Variants in PHLDB1 observed in about 807,000 individuals in gnomAD.
PHLDB1 encodes pleckstrin homology like domain family B member 1, also known as pleckstrin homology-like domain family B member 1.
PHLDB1 carries 65 observed loss-of-function variants against 139.3 expected under a neutral mutation model. The observed-to-expected ratio is 0.47, with a 90% CI of 0.38 to 0.57. The LOEUF (loss-of-function observed/expected upper bound fraction) is 0.57. PHLDB1 is among the 20% of genes least tolerant of loss of function. PHLDB1 has a pLI of 0.00. For missense variants in PHLDB1, 1,624 were observed against 1,839.7 expected (o/e 0.88, Z 2.14); for synonymous variants, 679 against 734.5 (o/e 0.92, Z 1.22).
At chr11:118,638,591 G>A (rs2136449130) in intron 10 of PHLDB1, among the ~76,000 whole-genome samples, 1 of 152,264 alleles carries the variant, frequency 6.6e-6, no homozygotes, top group African/African-American at 2.4e-5. Context: ...GGGAGAATGA[G>A]GCAGATGGAG....
intron 9 of PHLDB1, chr11:118,633,550 C>T (rs893965865): frequency 6.6e-6 from 1 of 152,176 alleles, no homozygotes; most frequent in African/African-American, 2.4e-5. Flanking sequence ...CAGTTGTGGG[C>T]GTGGTCTTGG....
intron 12 of PHLDB1, chr11:118,641,763 T>G: frequency 7.8e-7 from 1 of 1,289,776 alleles, no homozygotes; most frequent in Non-Finnish European, 1.0e-6. Flanking sequence ...CCTCGTTCGC[T>G]TCCATCACGC....
At chr11:118,629,537 C>T (rs1334245038) in intron 6 of PHLDB1, among the ~76,000 whole-genome samples, 2 of 152,128 alleles carry the variant, frequency 1.3e-5, no homozygotes, top group African/African-American at 4.8e-5. Flanking sequence ...GGGCAGGAAC[C>T]CTGGGATTGG....
At position 118,626,684 on chromosome 11, in the gene PHLDB1, C is replaced by CT. The variant is rs1270831513; in HGVS notation, c.482-611dup. On this transcript the variant is annotated intron_variant, in intron 5 of 22. Coordinates refer to ENST00000600882, the MANE Select transcript of PHLDB1 (RefSeq NM_001144758.3). The stretch of plus-strand genomic sequence containing the variant: ...AGGCGTGAGCCACCACGCCTGGCCT[C>CT]TTTTTTTTTTGAGACAGTCTTGCTG... 1.8e-3 allele frequency among the ~76,000 whole-genome samples: 265 copies of CT among 146,506 alleles called. 4 individuals carry two copies. The East Asian group carries it at 0.04, about 22-fold the overall frequency.
intron 9 of PHLDB1, chr11:118,633,479 G>A (rs1257868551): frequency 6.6e-6 from 1 of 152,242 alleles, no homozygotes; most frequent in Non-Finnish European, 1.5e-5. Context: ...CTGCACAGCA[G>A]AGTAGGCTGT....
chr11:118,626,195 G>A (rs1007679153), intron 5 of PHLDB1, among the ~76,000 whole-genome samples: 1 of 151,848 alleles, frequency 6.6e-6, no homozygotes, highest in Non-Finnish European at 1.5e-5. Context: ...ATTGGACGAA[G>A]TGGTGCAGCA....
At chr11:118,622,698 G>T (rs1943071722) in intron 4 of PHLDB1, among the ~76,000 whole-genome samples, 1 of 152,182 alleles carries the variant, frequency 6.6e-6, no homozygotes. Context: ...GGGTTGAGTG[G>T]CTCTGTCTAG....
upstream of PHLDB1, chr11:118,607,545 G>C (rs1939375104): frequency 1.5e-5 from 2 of 135,062 alleles, no homozygotes; most frequent in South Asian, 5.6e-4. Flanking sequence ...GACGGGGGCG[G>C]GGACTGGCGG....
intron 4 of PHLDB1, among the ~76,000 whole-genome samples, chr11:118,622,085 C>T (rs1232351112): frequency 1.3e-5 from 2 of 152,180 alleles, no homozygotes; most frequent in Non-Finnish European, 2.9e-5. Context: ...AGATAGGATT[C>T]ACCCTCTCCT....
intron 4 of PHLDB1, among the ~76,000 whole-genome samples, chr11:118,617,753 T>A (rs1555091027): frequency 1.3e-5 from 2 of 152,000 alleles, no homozygotes; most frequent in African/African-American, 4.8e-5. Context: ...TCTCCAGGGA[T>A]TCAAGGTCTC....
At chr11:118,642,097 T>A in intron 12 of PHLDB1, 157 bp from the exon 13 acceptor site, 1 of 736,854 alleles carries the variant, frequency 1.4e-6, no homozygotes, top group Non-Finnish European at 2.4e-6. Context: ...TCCTGTCCAT[T>A]TCCCTGATGT....
At chr11:118,642,940 AAGCAACTGACCATGG>A (rs1565477450) in intron 13 of PHLDB1, among the ~76,000 whole-genome samples, 1 of 152,228 alleles carries the variant, frequency 6.6e-6, no homozygotes, top group Non-Finnish European at 1.5e-5. Context: ...AACCTGCAGC[AAGCAACTGACCATGG>A]GGTGGGAAAG....
In PHLDB1 at chr11:118,628,596, G is replaced by T; in HGVS notation, c.1773G>T (p.Glu591Asp). 1 of 1,612,680 alleles carries T rather than the reference G, an allele frequency of 6.2e-7. No homozygotes were observed. The highest frequency in any genetic ancestry group is 8.5e-7 in the Non-Finnish European group (1 of 1,179,864). Residue 591 changes from glutamate (E) to aspartate (D), a missense_variant, in exon 6 of 23, where the codon GAG becomes GAT. Glu to Asp is a conservative substitution (Grantham distance 45, BLOSUM62 2). Coordinates refer to ENST00000600882, the MANE Select transcript of PHLDB1 (RefSeq NM_001144758.3). The stretch of plus-strand genomic sequence containing the variant: ...GTGACAATGAGGACGACCTCCTGGA[G>T]TACCACCGGCGACAGCGCCAAGAGC... ...EISDNEDDLL[E>D]YHRRQRQERL... is the part of the protein sequence containing the mutation.
rs782143312 is a variant in PHLDB1, at chr11:118,645,822, G to A, written c.3504G>A (p.Ser1168=). The A allele has an allele frequency of 5.0e-6, 8 of 1,604,706 alleles. No individual in the cohort carries two copies. The highest frequency in any genetic ancestry group is 2.2e-5 in the East Asian group (1 of 44,862). The change falls in exon 17 of 23, where the codon TCG becomes TCA. Residue 1168 remains serine, a synonymous_variant. Transcript: ENST00000600882. This position sits in a 1 kb window ranked among gnomAD's most constrained non-coding sequence, Gnocchi z 5.1. ...AHAEKNRLME[S]REREMELRRQ... is the part of the protein sequence containing the mutation. The stretch of plus-strand genomic sequence containing the variant: ...CAGAGAAGAACCGGCTCATGGAGTC[G>A]AGGGTGAGTCTGACCTGGATCGGGG...
At chr11:118,652,604 G>A (rs1461039521) in intron 20 of PHLDB1, 1 of 152,254 alleles carries the variant, frequency 6.6e-6, no homozygotes, top group Non-Finnish European at 1.5e-5. Flanking sequence ...GGAAAATGAT[G>A]CTCAGAGAGG....
At position 118,642,255 on chromosome 11, in the gene PHLDB1, T is replaced by C; in HGVS notation, c.2738T>C (p.Met913Thr). The C allele has an allele frequency of 6.2e-7, 1 of 1,612,290 alleles. No homozygotes were observed. ...FPKTTSTLKEMEKLLLPAVDL... is the reference protein window; with the variant it reads ...FPKTTSTLKETEKLLLPAVDL... ...TCCCCTCCCCATTCCCACCTCCAGATGGAGAAGCTGCTGCTCCCTGCTGTA... is the reference window on the plus strand; with the variant it reads ...TCCCCTCCCCATTCCCACCTCCAGACGGAGAAGCTGCTGCTCCCTGCTGTA... The change falls in exon 13 of 23, where the codon ATG becomes ACG. Residue 913 changes from methionine to threonine, a missense_variant and splice_region_variant. Transcript: ENST00000600882.
rs782716148 is a variant in PHLDB1 at position 118,650,532 on chromosome 11, C to G, written c.3859C>G (p.Leu1287Val). 1 of 1,613,160 alleles carries G rather than the reference C, an allele frequency of 6.2e-7. No individual in the cohort carries two copies. The highest frequency in any genetic ancestry group is 2.2e-5 in the East Asian group (1 of 44,882). The change falls in exon 20 of 23, where the codon CTT becomes GTT. Residue 1287 changes from leucine to valine, a missense_variant. Transcript: ENST00000600882. This position sits in a 1 kb window ranked among gnomAD's most constrained non-coding sequence, Gnocchi z 4.7. ...TGTCTTCGACCGGCTCAAGCGCACCCTTTCCTATTATGTGGGTGAGTTCCC... is the reference window on the plus strand; with the variant it reads ...TGTCTTCGACCGGCTCAAGCGCACCGTTTCCTATTATGTGGGTGAGTTCCC... The part of the protein sequence containing the change: ...WFVFDRLKRT[L>V]SYYVDKHETK...
chr11:118,635,300 G>A lies in PHLDB1; in HGVS notation c.2380-93G>A, dbSNP rs554109138. On this transcript the variant is annotated intron_variant, in intron 9 of 22. Coordinates refer to ENST00000600882, the MANE Select transcript of PHLDB1 (RefSeq NM_001144758.3). ...TTCTTACCCAATTTCCCCGGGTCCA[G>A]CCCCATACAACGCATGCCCCTGTGG... 9.2e-6 allele frequency: 13 copies of A among 1,406,266 alleles called. No individual in the cohort carries two copies. The East Asian group carries it at 2.8e-4, about 31-fold the overall frequency. 87.1% of individuals were successfully genotyped at this position (1,406,266 alleles called of 1,614,324 possible).
rs1947345000 is a variant in PHLDB1 at position 118,645,604 on chromosome 11, A to G, written c.3370A>G (p.Ile1124Val). Residue 1124 changes from isoleucine (I) to valine (V), a missense_variant, in exon 16 of 23, where the codon ATC becomes GTC. Ile to Val is a conservative substitution (Grantham distance 29). Coordinates refer to ENST00000600882, the MANE Select transcript of PHLDB1 (RefSeq NM_001144758.3). This position sits in a 1 kb window ranked among gnomAD's most constrained non-coding sequence, Gnocchi z 5.1. ...GAGCTCTGACAGCATGGAGACCAGC[A>G]TCTCCACCGGGGGCAACTCGGCCTG... ...LESSDSMETS[I>V]STGGNSACSP... 1.2e-6 allele frequency: 2 copies of G among 1,613,494 alleles called. No individual in the cohort carries two copies. Among genetic ancestry groups the G allele is most frequent in the South Asian group, 1.1e-5 (1 of 91,052 alleles).
Sources: allele counts gnomAD v4.1 joint callset (sites outside exome capture counted in the v4.1 genomes callset), GRCh38; gene constraint gnomAD v4.1.1; non-coding constraint Gnocchi (gnomAD v3.1); transcripts MANE v1.5; gene names NCBI Gene and HGNC (gene_info 2026-07-23, HGNC 2026-07-21).